Variants in SPEG observed in about 807,000 individuals in gnomAD.
SPEG encodes the protein striated muscle enriched protein kinase, also known as striated muscle preferentially expressed protein kinase.
A neutral mutation model predicts 300.4 loss-of-function variants in SPEG; 114 were observed. That is an observed-to-expected ratio of 0.38 (90% confidence interval 0.33 to 0.44). SPEG has a LOEUF of 0.44. Among genes scored for constraint, SPEG ranks in the 20% least tolerant of loss-of-function variants. The pLI, the probability that SPEG is intolerant of heterozygous loss-of-function variation, is 1.00. For synonymous variants in SPEG, 1,964 were observed against 2,018.9 expected (o/e 0.97, Z 0.73); for missense variants, 4,201 against 4,586.2 (o/e 0.92, Z 2.43).
intron 4 of SPEG, among the ~76,000 whole-genome samples, 189 bp downstream of exon 4, chr2:219,449,460 C>T (rs1326340947): frequency 6.6e-6 from 1 of 152,202 alleles, no homozygotes; most frequent in Non-Finnish European, 1.5e-5. Flanking sequence ...TGTCAAAGTC[C>T]TTGTGCTAGG....
At chr2:219,446,365 C>T (rs545952759) in intron 3 of SPEG, among the ~76,000 whole-genome samples, 41 of 152,254 alleles carry the variant, frequency 2.7e-4, no homozygotes, top group Admixed American at 1.8e-3. Flanking sequence ...TCAGAGCTGC[C>T]GGCAAGAGGC....
At chr2:219,462,601 G>A (rs1049977842) in intron 8 of SPEG, among the ~76,000 whole-genome samples, 1 of 152,246 alleles carries the variant, frequency 6.6e-6, no homozygotes, top group Non-Finnish European at 1.5e-5. Flanking sequence ...CTGGGGAGGG[G>A]TTTGGGTCTC....
In SPEG at chr2:219,473,875, G is replaced by C. The variant is rs185047969; in HGVS notation, c.4419G>C (p.Gln1473His). The change falls in exon 18 of 41, where the codon CAG becomes CAC. Residue 1473 changes from glutamine to histidine, a missense_variant. Coordinates refer to ENST00000312358, the MANE Select transcript of SPEG (RefSeq NM_005876.5). The surrounding 1 kb of genome is among the most constrained non-coding windows in gnomAD (Gnocchi z 4.6). ...CCGCCCGAAACCGTCACGGCACACA[G>C]ACCTGCTCGGTCACATTGGAGCTGG... ...TCTARNRHGTQTCSVTLELAE... is the reference protein window; with the variant it reads ...TCTARNRHGTHTCSVTLELAE... 829 of 1,612,840 alleles carry C rather than the reference G, an allele frequency of 5.1e-4. 6 individuals carry two copies. The African/African-American group carries it at 9.9e-3, about 19-fold the overall frequency.
chr2:219,472,315 T>A lies in SPEG; in HGVS notation c.3924T>A (p.Ser1308Arg). Residue 1308 changes from serine (S) to arginine (R), a missense_variant, in exon 15 of 41, where the codon AGT (serine) becomes AGA (arginine). Ser to Arg is a moderately radical substitution (Grantham distance 110, BLOSUM62 -1). This residue lies in a region of SPEG where 1,047 missense variants were observed against 1,356.8 expected (regional missense o/e 0.77). Transcript: ENST00000312358. Reference sequence around the variant, plus strand: ...CACTCACATGGAACCCCCCCAGGAGTCTGGACATGGCCATCGGTGGGTCAG... The same window carrying A: ...CACTCACATGGAACCCCCCCAGGAGACTGGACATGGCCATCGGTGGGTCAG... ...MVTLTWNPPRSLDMAIDPDSL... is the reference protein window; with the variant it reads ...MVTLTWNPPRRLDMAIDPDSL... 6.2e-7 allele frequency: 1 copy of A among 1,612,928 alleles called. No homozygotes were observed. The highest frequency in any genetic ancestry group is 8.5e-7 in the Non-Finnish European group (1 of 1,179,736).
chr2:219,468,768 C>A (rs1222390167), intron 11 of SPEG, 32 bp downstream of exon 11: 1 of 1,611,754 alleles, frequency 6.2e-7, no homozygotes, highest in African/African-American at 1.3e-5. Flanking sequence ...TGTTGAGGGC[C>A]CCCCCAAGGG....
rs1475909276 is a variant in SPEG, at chr2:219,464,636, C to T, written c.2881+28C>T. The T allele has an allele frequency of 1.2e-6, 2 of 1,605,596 alleles. No individual in the cohort carries two copies. The highest frequency in any genetic ancestry group is 1.1e-5 in the South Asian group (1 of 90,580). Reference sequence around the variant, plus strand: ...GAGTACCTGATTTCTCCATGAATGCCCACCTGGCCCTGGCCCCTTCCTTCC... The same window carrying T: ...GAGTACCTGATTTCTCCATGAATGCTCACCTGGCCCTGGCCCCTTCCTTCC... On this transcript the variant is annotated intron_variant, in intron 9 of 40. Transcript: ENST00000312358. This position sits in a 1 kb window ranked among gnomAD's most constrained non-coding sequence, Gnocchi z 4.5.
chr2:219,476,545 T>C (rs1692360710), intron 18 of SPEG, among the ~76,000 whole-genome samples: 1 of 152,220 alleles, frequency 6.6e-6, no homozygotes, highest in Non-Finnish European at 1.5e-5. Context: ...AATCCAGATT[T>C]CTTTTGTGTG....
In SPEG at chr2:219,445,053, C is replaced by G; in HGVS notation, c.707C>G (p.Ala236Gly). Residue 236 changes from alanine to glycine, a missense_variant, in exon 3 of 41, where the codon GCT becomes GGT. Around this residue, in one of 4 missense-constraint regions of SPEG, gnomAD observed 1,258 missense variants for 1,293.9 expected, o/e 0.97. Transcript: ENST00000312358. This position sits in a 1 kb window ranked among gnomAD's most constrained non-coding sequence, Gnocchi z 6.1. Reference protein sequence around the residue: ...GVEPLVRASRANLVGASWGSE... With the variant: ...GVEPLVRASRGNLVGASWGSE... ...GAGCCGCTGGTGCGGGCATCTCGAG[C>G]TAATCTGGTGGGCGCAAGCTGGGGG... 6.2e-7 allele frequency: 1 copy of G among 1,607,240 alleles called. No homozygotes were observed. The highest frequency in any genetic ancestry group is 1.1e-5 in the South Asian group (1 of 90,422).
At position 219,467,281 on chromosome 2, in the gene SPEG, G is replaced by T. The variant is rs1359313092; in HGVS notation, c.2989G>T (p.Val997Leu). Residue 997 changes from valine to leucine, a missense_variant, in exon 10 of 41, where the codon GTG becomes TTG. Physicochemically the swap from Val to Leu is conservative, Grantham distance 32. Transcript: ENST00000312358. The part of the protein sequence containing the change: ...FECLVAGPTD[V>L]EVDWLCRGRL... The stretch of plus-strand genomic sequence containing the variant: ...GTGCCTGGTGGCGGGGCCCACTGAC[G>T]TGGAGGTGGATTGGCTGTGCCGTGG... 1 of 1,609,832 alleles carries T rather than the reference G, an allele frequency of 6.2e-7. No individual in the cohort carries two copies. Among genetic ancestry groups the T allele is most frequent in the Non-Finnish European group, 8.5e-7 (1 of 1,179,506 alleles).
chr2:219,439,235 C>A lies in SPEG; in HGVS notation c.388+3870C>A, dbSNP rs1451221323. ...AGATTTACTGTCCCCGTTCCCATCA[C>A]TGCTTACCCTCTCCACCTGCAGCTC... is the stretch of plus-strand genomic sequence containing the variant. On this transcript the variant is annotated intron_variant, in intron 1 of 40. Transcript: ENST00000312358. This position sits in a 1 kb window ranked among gnomAD's most constrained non-coding sequence, Gnocchi z 4.5. Among the ~76,000 whole-genome samples, 1 of 152,192 alleles carries A rather than the reference C, an allele frequency of 6.6e-6. No homozygotes were observed. The highest frequency in any genetic ancestry group is 1.5e-5 in the Non-Finnish European group (1 of 68,042).
Position 219,468,722 on chromosome 2 carries a change from C to A in SPEG, c.3287C>A (p.Thr1096Asn). The A allele has an allele frequency of 1.9e-6, 3 of 1,614,118 alleles. No individual in the cohort carries two copies. The highest frequency in any genetic ancestry group is 2.2e-5 in the East Asian group (1 of 44,888). ...KISGTPPPVV[T>N]WTHFGCPMEE... is the part of the protein sequence containing the mutation. ...AGTGGCACCCCGCCCCCTGTTGTTA[C>A]CTGGACTCATTTTGGTACGGCCCCT... is the stretch of plus-strand genomic sequence containing the variant. The change falls in exon 11 of 41, where the codon ACC becomes AAC. Residue 1096 changes from threonine (T) to asparagine (N), a missense_variant. By Grantham distance (65) the Thr-to-Asn change is moderately conservative. Around this residue, in one of 4 missense-constraint regions of SPEG, gnomAD observed 1,047 missense variants for 1,356.8 expected, o/e 0.77. Coordinates refer to ENST00000312358, the MANE Select transcript of SPEG (RefSeq NM_005876.5).
chr2:219,482,011 A>C, intron 28 of SPEG: 1 of 483,488 alleles, frequency 2.1e-6, no homozygotes, highest in Admixed American at 3.3e-5. Flanking sequence ...CTGTCTGTCC[A>C]TCTCTGTCCT....
rs781050448 is a variant in SPEG, at chr2:219,469,055, C to G, written c.3491+7C>G. 1.7e-5 allele frequency: 28 copies of G among 1,610,338 alleles called. No individual in the cohort carries two copies. Among genetic ancestry groups the G allele is most frequent in the Non-Finnish European group, 2.4e-5 (28 of 1,178,044 alleles). On this transcript the variant is annotated splice_region_variant and intron_variant, in intron 12 of 40. Coordinates refer to ENST00000312358, the MANE Select transcript of SPEG (RefSeq NM_005876.5). The stretch of plus-strand genomic sequence containing the variant: ...CAGCCGCCTCAGGCCCCAGGTACCA[C>G]CGGGGCCCCAAATGATGCTGGGGCT...
chr2:219,474,031 C>T, intron 18 of SPEG, 128 bp downstream of exon 18: 1 of 857,042 alleles, frequency 1.2e-6, no homozygotes, highest in Non-Finnish European at 1.8e-6. Flanking sequence ...CAGGCCTGTC[C>T]ATGTCATGGC....
chr2:219,447,260 A>G (rs1689373606), intron 3 of SPEG, among the ~76,000 whole-genome samples: 2 of 151,808 alleles, frequency 1.3e-5, no homozygotes, highest in Non-Finnish European at 2.9e-5. Context: ...TAAGGACTCA[A>G]GGTAGCTTTG....
At chr2:219,478,183 TTTTACAG>T (rs1383204717) in intron 22 of SPEG, 78 bp downstream of exon 22, 53 of 1,276,694 alleles carry the variant, frequency 4.2e-5, no homozygotes, top group Non-Finnish European at 5.6e-5. Context: ...AGGCAACATG[TTTTACAG>T]TTTACAAAGT....
intron 6 of SPEG, chr2:219,460,475 C>G: frequency 1.0e-6 from 1 of 985,428 alleles, no homozygotes. Flanking sequence ...GGCAAGTGTC[C>G]CTATTGGCAC....
rs1349122466 is a variant in SPEG at position 219,444,767 on chromosome 2, G to A, written c.478+25G>A. On this transcript the variant is annotated intron_variant, in intron 2 of 40. Transcript: ENST00000312358. The surrounding 1 kb of genome is among the most constrained non-coding windows in gnomAD (Gnocchi z 7.8). ...GGTGAGCTCCTGGGGTGTACAAAGA[G>A]CAGGCAGGCGGGTTTTCCATAAGGG... is the stretch of plus-strand genomic sequence containing the variant. 5 of 1,613,086 alleles carry A rather than the reference G, an allele frequency of 3.1e-6. No individual in the cohort carries two copies. Among genetic ancestry groups the A allele is most frequent in the Non-Finnish European group, 4.2e-6 (5 of 1,179,412 alleles).
intron 10 of SPEG, 75 bp from the exon 11 acceptor site, chr2:219,468,503 A>T: frequency 6.6e-7 from 1 of 1,515,522 alleles, no homozygotes. Context: ...GCTCAGCCTT[A>T]GGTCAGGAGT....
Sources: gnomAD v4.1 joint callset for allele counts (sites outside exome capture counted in the v4.1 genomes callset) on GRCh38, gnomAD v4.1.1 for gene constraint, gnomAD v4.1.1 regional missense constraint, Gnocchi (gnomAD v3.1) non-coding constraint, MANE v1.5 for transcripts, NCBI Gene and HGNC (gene_info 2026-07-23, HGNC 2026-07-21) for gene names.